AFF3: variants seen among roughly 807,000 people sequenced by gnomAD.
The protein encoded by AFF3 is AF4/FMR2 family member 3.
In AFF3, 32 loss-of-function variants were observed where a neutral mutation model predicts 129.7. That is an observed-to-expected ratio of 0.25 (90% CI 0.19 to 0.33). The LOEUF (loss-of-function observed/expected upper bound fraction) is 0.33. Ranked by LOEUF, AFF3 falls within the 10% of genes least tolerant of loss-of-function variation. The pLI is 1.00. For missense variants in AFF3, 1,373 were observed against 1,592.0 expected (o/e 0.86, Z 2.34); for synonymous variants, 644 against 635.4 (o/e 1.01, Z -0.20).
chr2:99,605,355 G>A (rs945654664), intron 13 of AFF3, among the ~76,000 whole-genome samples: 1 of 152,120 alleles, frequency 6.6e-6, no homozygotes. Context: ...CAATGGTCCC[G>A]GTAGAGCATG....
At chr2:99,927,134 T>C (rs1264181252) in intron 7 of AFF3, among the ~76,000 whole-genome samples, 1 of 152,188 alleles carries the variant, frequency 6.6e-6, no homozygotes, top group Non-Finnish European at 1.5e-5. Context: ...TGCCCCTACT[T>C]GCACAAGCCA....
intron 4 of AFF3, among the ~76,000 whole-genome samples, chr2:100,063,820 T>C (rs1403311587): frequency 6.6e-6 from 1 of 152,142 alleles, no homozygotes; most frequent in Non-Finnish European, 1.5e-5. Context: ...CTGGGCGCGG[T>C]GGCTCACACC....
chr2:99,896,792 T>C (rs983174692), intron 7 of AFF3, among the ~76,000 whole-genome samples: 5 of 151,912 alleles, frequency 3.3e-5, no homozygotes, highest in Admixed American at 6.6e-5. Context: ...CGCACCACCA[T>C]GCTCAGCTAA....
At chr2:99,671,201 A>T (rs1237629601) in intron 12 of AFF3, among the ~76,000 whole-genome samples, 2 of 152,238 alleles carry the variant, frequency 1.3e-5, no homozygotes, top group Non-Finnish European at 2.9e-5. Flanking sequence ...AAAAAACACA[A>T]AGAGTTGAAA....
intron 8 of AFF3, among the ~76,000 whole-genome samples, chr2:99,812,366 C>T (rs1686856552): frequency 6.6e-6 from 1 of 152,194 alleles, no homozygotes; most frequent in Non-Finnish European, 1.5e-5. Flanking sequence ...GAAACACTAG[C>T]AGAGGCTGAA....
At chr2:99,909,813 C>T (rs577219624) in intron 7 of AFF3, among the ~76,000 whole-genome samples, 14 of 152,210 alleles carry the variant, frequency 9.2e-5, no homozygotes, top group African/African-American at 2.9e-4. Context: ...ACAATATGAT[C>T]AGCTTTCTAC....
chr2:99,836,601 T>C (rs781630882), intron 8 of AFF3, among the ~76,000 whole-genome samples: 4 of 152,126 alleles, frequency 2.6e-5, no homozygotes, highest in African/African-American at 4.8e-5. Context: ...AAAATAGTTG[T>C]TAATGTAAAA....
chr2:99,689,743 C>T (rs1255274038), intron 11 of AFF3, among the ~76,000 whole-genome samples: 1 of 148,968 alleles, frequency 6.7e-6, no homozygotes, highest in Non-Finnish European at 1.5e-5. Flanking sequence ...CGATCCACGA[C>T]TCCAAATGGA....
chr2:99,638,177 A>G (rs552003008), intron 13 of AFF3, among the ~76,000 whole-genome samples: 1 of 151,794 alleles, frequency 6.6e-6, no homozygotes, highest in African/African-American at 2.4e-5. Context: ...AGGTTCAAGT[A>G]ATTCAACTAC....
intron 7 of AFF3, among the ~76,000 whole-genome samples, chr2:99,975,072 C>T (rs1165879291): frequency 6.6e-6 from 1 of 152,016 alleles, no homozygotes; most frequent in Admixed American, 6.5e-5. Context: ...ATCCTAGAAG[C>T]CTGCTGAACT....
chr2:99,855,431 G>A (rs560770996), intron 7 of AFF3, among the ~76,000 whole-genome samples: 42 of 152,182 alleles, frequency 2.8e-4, no homozygotes, highest in African/African-American at 1.0e-3. Flanking sequence ...ACAACTCTTA[G>A]AGCTCACTAA....
At chr2:100,105,811 G>A in intron 2 of AFF3, 1 of 1,349,928 alleles carries the variant, frequency 7.4e-7, no homozygotes, top group African/African-American at 1.5e-5. Context: ...TCTCACCAGG[G>A]ATTCCCCAGA....
chr2:100,008,105 T>C (rs1052417357), intron 5 of AFF3, among the ~76,000 whole-genome samples: 2 of 152,172 alleles, frequency 1.3e-5, no homozygotes, highest in African/African-American at 2.4e-5. Flanking sequence ...CTTTCTATGA[T>C]TGGATTGTCC....
At chr2:99,605,936 C>T (rs1429233457) in intron 13 of AFF3, among the ~76,000 whole-genome samples, 3 of 152,138 alleles carry the variant, frequency 2.0e-5, no homozygotes, top group Non-Finnish European at 4.4e-5. Flanking sequence ...AATCCTTCCA[C>T]CTCAGCCTCC....
At chr2:100,013,602 T>G (rs1422058174) in intron 4 of AFF3, among the ~76,000 whole-genome samples, 1 of 152,200 alleles carries the variant, frequency 6.6e-6, no homozygotes, top group Non-Finnish European at 1.5e-5. Context: ...TAAACCCTGA[T>G]GTCTGACAAG....
At position 99,969,354 on chromosome 2, in the gene AFF3, A is replaced by G. The variant is rs187930641; in HGVS notation, c.873+37278T>C. Among the ~76,000 whole-genome samples, 7 of 152,346 alleles carry G rather than the reference A, an allele frequency of 4.6e-5. No homozygotes were observed. The East Asian group carries it at 1.3e-3, about 29-fold the overall frequency. On this transcript the variant is annotated intron_variant, in intron 7 of 24. Transcript: ENST00000672756. ...TCCATGTTTGGACAACTCCTCTCAC[A>G]TATGGGATGGAGTAAACTCCTTTGT... is the stretch of plus-strand genomic sequence containing the variant.
rs1559465251 is a variant in AFF3, at chr2:99,551,582, G to A, written c.3573C>T (p.Asp1191=). The change falls in exon 25 of 25, where the codon GAC becomes GAT. Residue 1191 remains aspartate, a synonymous_variant. Coordinates refer to ENST00000672756, the MANE Select transcript of AFF3 (RefSeq NM_001386135.1). Reference sequence around the variant, plus strand: ...TGACCGGCCCCATGAGCAGATCCAGGTCGTTGAAGAATTCTAGGGGGACAG... The same window carrying A: ...TGACCGGCCCCATGAGCAGATCCAGATCGTTGAAGAATTCTAGGGGGACAG... ...LAKENREFFN[D]LDLLMGPVTL... is the part of the protein sequence containing the mutation. 5 of 1,614,112 alleles carry A rather than the reference G, an allele frequency of 3.1e-6. No homozygotes were observed. The highest frequency in any genetic ancestry group is 1.1e-5 in the South Asian group (1 of 91,068).
chr2:100,105,928 C>CT, intron 2 of AFF3: 6 of 1,329,630 alleles, frequency 4.5e-6, no homozygotes, highest in Non-Finnish European at 6.0e-6. Flanking sequence ...CCCTTTGTTC[C>CT]TTTTTCTGGG....
intron 7 of AFF3, among the ~76,000 whole-genome samples, chr2:99,988,701 CT>C (rs1680085498): frequency 6.6e-6 from 1 of 152,154 alleles, no homozygotes; most frequent in Non-Finnish European, 1.5e-5. Flanking sequence ...ATCAGTTTAA[CT>C]TGGACACCAT....
Sources: allele counts gnomAD v4.1 joint callset (sites outside exome capture counted in the v4.1 genomes callset), GRCh38; gene constraint gnomAD v4.1.1; transcripts MANE v1.5; gene names NCBI Gene and HGNC (gene_info 2026-07-23, HGNC 2026-07-21).